The following PBX3 variants were observed in gnomAD, a reference collection of about 807,000 sequenced individuals.
PBX3 encodes PBX homeobox 3.
PBX3 carries 14 observed loss-of-function variants against 48.5 expected under a neutral mutation model. That is an observed-to-expected ratio of 0.29 (90% CI 0.19 to 0.45). The LOEUF (loss-of-function observed/expected upper bound fraction) is 0.45. Among genes scored for constraint, PBX3 ranks in the 20% least tolerant of loss-of-function variants. PBX3 has a pLI of 1.00. For synonymous variants in PBX3, 210 were observed against 200.3 expected, an observed-to-expected ratio of 1.05 and a Z score of -0.41; for missense variants, 386 against 546.7, an observed-to-expected ratio of 0.71 and a Z score of 2.93.
intron 2 of PBX3, among the ~76,000 whole-genome samples, chr9:125,790,254 CTTTCTTTT>C (rs1837562647): frequency 6.6e-6 from 1 of 150,566 alleles, no homozygotes; most frequent in African/African-American, 2.5e-5. Flanking sequence ...TTCTTTCTTT[CTTTCTTTT>C]TTTTTTTTTT....
chr9:125,819,168 G>A (rs1838570333), intron 2 of PBX3, among the ~76,000 whole-genome samples: 1 of 151,670 alleles, frequency 6.6e-6, no homozygotes, highest in Non-Finnish European at 1.5e-5. Context: ...ACTTTCTAAT[G>A]TATAATTCCA....
intron 2 of PBX3, among the ~76,000 whole-genome samples, chr9:125,793,815 C>A (rs921668108): frequency 2.0e-5 from 3 of 151,914 alleles, no homozygotes; most frequent in African/African-American, 7.3e-5. Flanking sequence ...TTTCTTTGTA[C>A]CCTTTGGGTA....
intron 6 of PBX3, 92 bp downstream of exon 6, chr9:125,960,941 G>GTCCACTCT: frequency 1.3e-4 from 58 of 450,432 alleles, no homozygotes; most frequent in Admixed American, 2.1e-4. Flanking sequence ...GCCATACTGA[G>GTCCACTCT]GACAGAGTGG....
chr9:125,856,535 G>A (rs1465382532), intron 2 of PBX3, among the ~76,000 whole-genome samples: 1 of 152,130 alleles, frequency 6.6e-6, no homozygotes, highest in Non-Finnish European at 1.5e-5. Flanking sequence ...TCGGGCCTGG[G>A]TTAGCAGACG....
intron 2 of PBX3, among the ~76,000 whole-genome samples, chr9:125,760,852 G>A (rs1227106089): frequency 6.6e-6 from 1 of 152,186 alleles, no homozygotes; most frequent in Admixed American, 6.5e-5. Context: ...CACGTTGTGT[G>A]TAATGTTGAA....
At chr9:125,823,176 G>T (rs529885308) in intron 2 of PBX3, among the ~76,000 whole-genome samples, 1 of 152,128 alleles carries the variant, frequency 6.6e-6, no homozygotes, top group Non-Finnish European at 1.5e-5. Flanking sequence ...GTGGAGAAAC[G>T]AACATTCTCT....
chr9:125,868,032 C>T (rs148105983), intron 2 of PBX3, among the ~76,000 whole-genome samples: 9 of 152,152 alleles, frequency 5.9e-5, no homozygotes, highest in East Asian at 1.9e-4. Flanking sequence ...TATGCCTCCA[C>T]GCCTGGTAAT....
intron 2 of PBX3, among the ~76,000 whole-genome samples, chr9:125,791,254 T>C (rs1326103992): frequency 1.3e-5 from 2 of 152,198 alleles, no homozygotes; most frequent in African/African-American, 4.8e-5. Flanking sequence ...AGATGTTAGC[T>C]AATAATTGTA....
chr9:125,853,194 A>G (rs1839629451), intron 2 of PBX3, among the ~76,000 whole-genome samples: 1 of 152,184 alleles, frequency 6.6e-6, no homozygotes, highest in African/African-American at 2.4e-5. Flanking sequence ...ACCTGAATTA[A>G]GAATTACTTT....
At chr9:125,832,431 G>A (rs1027969055) in intron 2 of PBX3, among the ~76,000 whole-genome samples, 1 of 152,082 alleles carries the variant, frequency 6.6e-6, no homozygotes, top group Non-Finnish European at 1.5e-5. Flanking sequence ...TCCTTACCTC[G>A]TGATCCACCC....
At chr9:125,784,982 A>T (rs1299105439) in intron 2 of PBX3, among the ~76,000 whole-genome samples, 1 of 152,166 alleles carries the variant, frequency 6.6e-6, no homozygotes, top group Non-Finnish European at 1.5e-5. Flanking sequence ...TCTAAGAAAC[A>T]TTCTCCCTTC....
intron 2 of PBX3, among the ~76,000 whole-genome samples, chr9:125,910,467 C>CTGAAAA (rs1358233884): frequency 6.6e-6 from 1 of 151,950 alleles, no homozygotes; most frequent in African/African-American, 2.4e-5. Flanking sequence ...GTCCATTTAA[C>CTGAAAA]TGAAAAGCCT....
chr9:125,821,165 T>C (rs1838641691), intron 2 of PBX3, among the ~76,000 whole-genome samples: 1 of 152,138 alleles, frequency 6.6e-6, no homozygotes, highest in Non-Finnish European at 1.5e-5. Context: ...TCGTTACCAA[T>C]AAATGATAAC....
At chr9:125,780,895 C>T (rs1256382437) in intron 2 of PBX3, among the ~76,000 whole-genome samples, 2 of 146,130 alleles carry the variant, frequency 1.4e-5, no homozygotes, top group South Asian at 2.2e-4. Context: ...GGATGCTGGG[C>T]GGAGGGTCTC....
intron 2 of PBX3, among the ~76,000 whole-genome samples, chr9:125,840,436 T>A (rs1434582861): frequency 6.7e-6 from 1 of 150,046 alleles, no homozygotes; most frequent in Non-Finnish European, 1.5e-5. Flanking sequence ...TATTTTTTTC[T>A]GGCCTTTTCT....
chr9:125,835,798 C>A (rs1839116954), intron 2 of PBX3, among the ~76,000 whole-genome samples: 1 of 152,062 alleles, frequency 6.6e-6, no homozygotes, highest in Admixed American at 6.5e-5. Context: ...GGAGCTTCCT[C>A]AAAAAACTGA....
chr9:125,751,577 G>A (rs545455707), intron 2 of PBX3, among the ~76,000 whole-genome samples: 130 of 152,148 alleles, frequency 8.5e-4, no homozygotes, highest in African/African-American at 2.9e-3. Context: ...ATATTCTTTC[G>A]TAAAATTGAT....
At chr9:125,774,981 C>T (rs534626107) in intron 2 of PBX3, among the ~76,000 whole-genome samples, 1 of 152,182 alleles carries the variant, frequency 6.6e-6, no homozygotes, top group East Asian at 1.9e-4. Flanking sequence ...ATTCTCCTGC[C>T]TCAGCCTCCC....
chr9:125,960,622 T>C, intron 5 of PBX3, 62 bp from the exon 6 acceptor site: 1 of 1,466,078 alleles, frequency 6.8e-7, no homozygotes, highest in Non-Finnish European at 9.5e-7. Flanking sequence ...CAGCAGGTAT[T>C]ATTGGAATTT....
Sources: gnomAD v4.1 joint callset for allele counts (sites outside exome capture counted in the v4.1 genomes callset) on GRCh38, gnomAD v4.1.1 for gene constraint, MANE v1.5 for transcripts, NCBI Gene and HGNC (gene_info 2026-07-23, HGNC 2026-07-21) for gene names.